CTNNA3: variants seen among roughly 807,000 people sequenced by gnomAD.
CTNNA3 encodes the protein catenin alpha-3.
Under a neutral mutation model 95.7 loss-of-function variants are expected in CTNNA3, and 76 were observed. The ratio of observed to expected loss-of-function variants is 0.79; its 90% CI spans 0.66 to 0.96. CTNNA3 has a LOEUF of 0.96. Among genes scored for constraint, CTNNA3 ranks in the 40% least tolerant of loss-of-function variants. CTNNA3 has a pLI of 0.00. For missense variants in CTNNA3, 1,191 were observed against 1,089.8 expected (o/e 1.09, Z -1.31); for synonymous variants, 431 against 374.4 (o/e 1.15, Z -1.74).
chr10:67,301,883 G>A (rs1490648078), intron 5 of CTNNA3, among the ~76,000 whole-genome samples: 1 of 151,792 alleles, frequency 6.6e-6, no homozygotes, highest in African/African-American at 2.4e-5. Flanking sequence ...GCAGGAGAAT[G>A]GCGTGAACCC....
At chr10:67,107,668 A>G (rs1858715412) in intron 7 of CTNNA3, among the ~76,000 whole-genome samples, 1 of 152,154 alleles carries the variant, frequency 6.6e-6, no homozygotes, top group Admixed American at 6.5e-5. Context: ...GCTACATTTT[A>G]CAAACAAACA....
chr10:66,699,991 G>GC, intron 9 of CTNNA3, among the ~76,000 whole-genome samples: 2 of 150,718 alleles, frequency 1.3e-5, no homozygotes, highest in Middle Eastern at 3.4e-3. Context: ...AAGTTACTTG[G>GC]TTTTTTTTTG....
intron 11 of CTNNA3, among the ~76,000 whole-genome samples, chr10:66,470,226 G>A (rs753988830): frequency 4.0e-5 from 6 of 151,790 alleles, no homozygotes; most frequent in Admixed American, 6.6e-5. Context: ...ATTGCTGTTT[G>A]CTGTTGTTTT....
At chr10:66,179,043 C>T (rs1202577764) in intron 13 of CTNNA3, among the ~76,000 whole-genome samples, 1 of 151,902 alleles carries the variant, frequency 6.6e-6, no homozygotes, top group Non-Finnish European at 1.5e-5. Context: ...CAGCAATTGC[C>T]TTTCTGGGAA....
At chr10:66,384,009 C>A (rs1365316845) in intron 11 of CTNNA3, among the ~76,000 whole-genome samples, 1 of 152,146 alleles carries the variant, frequency 6.6e-6, no homozygotes, top group Non-Finnish European at 1.5e-5. Context: ...ATTGTAAAGA[C>A]CATCGATGCT....
At chr10:66,483,559 TA>T (rs1839617567) in intron 11 of CTNNA3, among the ~76,000 whole-genome samples, 1 of 152,140 alleles carries the variant, frequency 6.6e-6, no homozygotes, top group African/African-American at 2.4e-5. Flanking sequence ...GTCTGGCTGA[TA>T]AAAGAGTAAA....
At chr10:66,095,351 G>A (rs1174507186) in intron 14 of CTNNA3, among the ~76,000 whole-genome samples, 1 of 152,076 alleles carries the variant, frequency 6.6e-6, no homozygotes, top group Non-Finnish European at 1.5e-5. Flanking sequence ...AAATTGAAAT[G>A]ATAGTAACCA....
intron 7 of CTNNA3, among the ~76,000 whole-genome samples, chr10:66,917,084 A>T (rs1846528856): frequency 6.6e-6 from 1 of 152,138 alleles, no homozygotes; most frequent in Non-Finnish European, 1.5e-5. Context: ...ATTTTTTACC[A>T]TCTCATCAAC....
chr10:66,275,027 A>G (rs2132141987), intron 13 of CTNNA3, among the ~76,000 whole-genome samples: 1 of 152,210 alleles, frequency 6.6e-6, no homozygotes, highest in South Asian at 2.1e-4. Context: ...AATATTTTCT[A>G]ATTGTTAGTT....
chr10:66,797,429 T>A lies in CTNNA3; in HGVS notation c.1048-21905A>T, dbSNP rs1365195402. Among the ~76,000 whole-genome samples, 10 of 149,130 alleles carry A rather than the reference T, an allele frequency of 6.7e-5. No homozygotes were observed. In the Admixed American group the frequency reaches 6.7e-4, roughly 10 times the overall value. Reference sequence around the variant, plus strand: ...AAGAAAAAAAAAAAAAAAACCCACATTTAAATACTAACACTATTGTGCATG... The same window carrying A: ...AAGAAAAAAAAAAAAAAAACCCACAATTAAATACTAACACTATTGTGCATG... On this transcript the variant is annotated intron_variant, in intron 7 of 17. Transcript: ENST00000433211.
At chr10:66,153,608 T>G (rs943440919) in intron 13 of CTNNA3, among the ~76,000 whole-genome samples, 2 of 151,934 alleles carry the variant, frequency 1.3e-5, no homozygotes, top group African/African-American at 4.8e-5. Flanking sequence ...TCTTATCTTC[T>G]GGATTTCTCT....
In CTNNA3 at chr10:66,130,886, A is replaced by C. The variant is rs577542548; in HGVS notation, c.1885-27637T>G. On this transcript the variant is annotated intron_variant, in intron 13 of 17. Transcript: ENST00000433211. ...AAACAAAAAAAAAAAAAAAAGAAAG[A>C]AATACAGAGAATCATCGGAGACTAT... Among the ~76,000 whole-genome samples, 4 of 151,634 alleles carry C rather than the reference A, an allele frequency of 2.6e-5. No individual in the cohort carries two copies. The South Asian group carries it at 8.3e-4, about 31-fold the overall frequency.
At chr10:65,966,187 G>A (rs978914763) in intron 17 of CTNNA3, among the ~76,000 whole-genome samples, 3 of 152,078 alleles carry the variant, frequency 2.0e-5, no homozygotes, top group African/African-American at 7.2e-5. Context: ...GAACATCTAT[G>A]TTATAAAAAG....
chr10:67,050,121 C>T (rs538457809), intron 7 of CTNNA3, among the ~76,000 whole-genome samples: 2 of 152,252 alleles, frequency 1.3e-5, no homozygotes, highest in Admixed American at 6.5e-5. Context: ...TTCCATTGCC[C>T]GGATTTCTTG....
chr10:67,095,000 G>A (rs1033839948), intron 7 of CTNNA3, among the ~76,000 whole-genome samples: 14 of 150,796 alleles, frequency 9.3e-5, no homozygotes, highest in Non-Finnish European at 1.5e-5. Flanking sequence ...TAAGTAATTG[G>A]CTTTAAGTTT....
chr10:67,277,146 CTACTT>C (rs775189459), intron 5 of CTNNA3, among the ~76,000 whole-genome samples: 24 of 152,242 alleles, frequency 1.6e-4, no homozygotes, highest in Non-Finnish European at 3.2e-4. Flanking sequence ...GATCATCACT[CTACTT>C]TATTGTTTCA....
intron 7 of CTNNA3, among the ~76,000 whole-genome samples, chr10:67,033,997 C>A (rs530628872): frequency 3.5e-4 from 53 of 152,278 alleles, no homozygotes; most frequent in African/African-American, 1.2e-3. Flanking sequence ...GTCTCAAATG[C>A]CTTACCTCAA....
intron 12 of CTNNA3, among the ~76,000 whole-genome samples, chr10:66,374,200 A>G (rs563966691): frequency 6.6e-6 from 1 of 152,218 alleles, no homozygotes; most frequent in Non-Finnish European, 1.5e-5. Flanking sequence ...GGACATTACA[A>G]TCTAGTGGGA....
chr10:66,314,259 C>T lies in CTNNA3; in HGVS notation c.1733-33638G>A, dbSNP rs1006431141. 5.9e-5 allele frequency among the ~76,000 whole-genome samples: 9 copies of T among 152,292 alleles called. No homozygotes were observed. In the South Asian group the frequency reaches 1.7e-3, roughly 28 times the overall value. ...CTAGATAAAGAAGGCAGCTCCACCC[C>T]AGCTTTAGCTAATTCATAAGTGATG... On this transcript the variant is annotated intron_variant, in intron 12 of 17. Transcript: ENST00000433211.
Sources: gnomAD v4.1 joint callset for allele counts (sites outside exome capture counted in the v4.1 genomes callset) on GRCh38, gnomAD v4.1.1 for gene constraint, MANE v1.5 for transcripts, NCBI Gene and HGNC (gene_info 2026-07-23, HGNC 2026-07-21) for gene names.